OXR1: variants seen among roughly 807,000 people sequenced by gnomAD.
OXR1 encodes the protein oxidation resistance 1.
Under a neutral mutation model 104.6 loss-of-function variants are expected in OXR1, and 41 were observed. That is an observed-to-expected ratio of 0.39 (90% CI 0.31 to 0.51). The LOEUF (loss-of-function observed/expected upper bound fraction) is 0.51. Ranked by LOEUF, OXR1 falls within the 20% of genes least tolerant of loss-of-function variation. The pLI is 0.77. For synonymous variants in OXR1, 348 were observed against 348.4 expected (o/e 1.00, Z 0.01); for missense variants, 955 against 1,031.9 (o/e 0.93, Z 1.02).
chr8:106,302,425 A>T (rs1410885817), intron 1 of OXR1, among the ~76,000 whole-genome samples: 1 of 151,986 alleles, frequency 6.6e-6, no homozygotes, highest in African/African-American at 2.4e-5. Flanking sequence ...TACTAAAAAT[A>T]CAAAAAGAAA....
At chr8:106,397,397 C>T (rs1483946582) in intron 2 of OXR1, among the ~76,000 whole-genome samples, 1 of 151,986 alleles carries the variant, frequency 6.6e-6, no homozygotes, top group East Asian at 1.9e-4. Flanking sequence ...TACTTTTTTA[C>T]TGAATAAACT....
intron 1 of OXR1, among the ~76,000 whole-genome samples, chr8:106,359,011 G>A (rs1486968221): frequency 1.3e-5 from 2 of 151,688 alleles, no homozygotes; most frequent in Non-Finnish European, 2.9e-5. Flanking sequence ...TTTTGTTAAA[G>A]CCTTGGGTGT....
intron 2 of OXR1, among the ~76,000 whole-genome samples, chr8:106,392,010 T>C (rs1817602533): frequency 2.0e-5 from 3 of 152,116 alleles, no homozygotes. Context: ...GCTCAAAGCA[T>C]GACACAAAAG....
chr8:106,508,981 TTTG>T (rs1297886443), intron 2 of OXR1, among the ~76,000 whole-genome samples: 95 of 152,310 alleles, frequency 6.2e-4, no homozygotes, highest in African/African-American at 2.3e-3. Flanking sequence ...ATAGAGATAG[TTTG>T]TAATAGGCCT....
chr8:106,395,500 T>G (rs183697300), intron 2 of OXR1, among the ~76,000 whole-genome samples: 1 of 152,204 alleles, frequency 6.6e-6, no homozygotes, highest in Admixed American at 6.5e-5. Context: ...TCATGAGACT[T>G]ATTCACTATC....
At chr8:106,569,268 T>C (rs920666608) in intron 3 of OXR1, among the ~76,000 whole-genome samples, 2 of 152,118 alleles carry the variant, frequency 1.3e-5, no homozygotes, top group Non-Finnish European at 2.9e-5. Flanking sequence ...TTCTTCTCAA[T>C]GATTTTGTTT....
chr8:106,712,504 T>G (rs974933497), intron 10 of OXR1, among the ~76,000 whole-genome samples: 8 of 152,056 alleles, frequency 5.3e-5, no homozygotes, highest in Admixed American at 3.3e-4. Flanking sequence ...GACCATACTG[T>G]TTTTAGGCAG....
chr8:106,483,376 T>C (rs73309282), intron 2 of OXR1, among the ~76,000 whole-genome samples: 9,076 of 151,876 alleles, frequency 0.06, 315 homozygotes, highest in Middle Eastern at 0.15. Flanking sequence ...ATGTCATTAT[T>C]AGGAAATACT....
intron 2 of OXR1, among the ~76,000 whole-genome samples, chr8:106,472,054 G>T (rs80111965): frequency 0.02 from 3,035 of 151,894 alleles, 61 homozygotes; most frequent in East Asian, 0.08. Flanking sequence ...TTCAGGATCA[G>T]TTTGTTGTTA....
Position 106,359,456 on chromosome 8 carries a change from T to A in OXR1, c.-138-20T>A. 1.6e-6 allele frequency: 1 copy of A among 621,448 alleles called. No homozygotes were observed. Among genetic ancestry groups the A allele is most frequent in the Non-Finnish European group, 2.9e-6 (1 of 344,438 alleles). 38.5% of individuals were successfully genotyped at this position (621,448 alleles called of 1,614,324 possible). ...ATAGACCAGGTACTAGAGATATTCA[T>A]TTATTTCTTTTCTTTATAGGTCCTC... On this transcript the variant is annotated intron_variant, in intron 1 of 16. Coordinates refer to ENST00000517566, the MANE Select transcript of OXR1 (RefSeq NM_001198533.2).
At position 106,677,763 on chromosome 8, in the gene OXR1, G is replaced by GTC. The variant is rs1191471159; in HGVS notation, c.221-1446_221-1445insCT. 1.1e-4 allele frequency among the ~76,000 whole-genome samples: 17 copies of GTC among 150,970 alleles called. No homozygotes were observed. The East Asian group carries it at 3.3e-3, about 29-fold the overall frequency. On this transcript the variant is annotated intron_variant, in intron 3 of 16. Coordinates refer to ENST00000517566, the MANE Select transcript of OXR1 (RefSeq NM_001198533.2). ...AATATGTGTATGTATGCGCACGCGTGTGTGTGTGTGTGTATCTCTGCATAC... is the reference window on the plus strand; with the variant it reads ...AATATGTGTATGTATGCGCACGCGTGTCTGTGTGTGTGTGTATCTCTGCATAC...
rs1052715732 is a variant in OXR1 at position 106,270,202 on chromosome 8, C to G, written c.-304C>G. The stretch of plus-strand genomic sequence containing the variant: ...CATGTCTGCAAGCGCTCAGCGGCGC[C>G]GGCAGCAGCGGGGCTAGAGCTGGGC... On this transcript the variant is annotated 5_prime_UTR_variant, in exon 1 of 17. Transcript: ENST00000517566. 3.3e-5 allele frequency: 5 copies of G among 152,228 alleles called. No homozygotes were observed. Among genetic ancestry groups the G allele is most frequent in the African/African-American group, 1.2e-4 (5 of 41,458 alleles). 9.4% of individuals were successfully genotyped at this position (152,228 alleles called of 1,614,324 possible).
intron 1 of OXR1, among the ~76,000 whole-genome samples, chr8:106,291,851 C>CT (rs1231565079): frequency 6.6e-6 from 1 of 152,124 alleles, no homozygotes; most frequent in African/African-American, 2.4e-5. Flanking sequence ...GGGACATGCC[C>CT]TTTATAAAAC....
At chr8:106,386,912 A>C (rs1260711128) in intron 2 of OXR1, among the ~76,000 whole-genome samples, 1 of 152,224 alleles carries the variant, frequency 6.6e-6, no homozygotes, top group Non-Finnish European at 1.5e-5. Context: ...CTTTTTTAAG[A>C]AGATTAATAT....
At chr8:106,326,000 T>C (rs1814454053) in intron 1 of OXR1, among the ~76,000 whole-genome samples, 1 of 152,218 alleles carries the variant, frequency 6.6e-6, no homozygotes, top group Admixed American at 6.5e-5. Context: ...TGTATAGTCA[T>C]TAGTTATCAT....
chr8:106,526,409 G>A (rs138161967), intron 3 of OXR1, among the ~76,000 whole-genome samples: 2 of 152,314 alleles, frequency 1.3e-5, no homozygotes, highest in East Asian at 3.9e-4. Flanking sequence ...TCCCCACATT[G>A]TTTTCAAGAG....
chr8:106,554,378 T>C (rs1044379752), intron 3 of OXR1, among the ~76,000 whole-genome samples: 1 of 152,222 alleles, frequency 6.6e-6, no homozygotes, highest in African/African-American at 2.4e-5. Context: ...GGTGAAATGA[T>C]TCATTTTATG....
At chr8:106,402,944 C>T (rs1356372984) in intron 2 of OXR1, among the ~76,000 whole-genome samples, 26 of 152,178 alleles carry the variant, frequency 1.7e-4, no homozygotes, top group Admixed American at 1.7e-3. Flanking sequence ...CCTCAGCCTC[C>T]AGAGTAGCTG....
intron 2 of OXR1, among the ~76,000 whole-genome samples, chr8:106,449,272 C>A (rs1820185628): frequency 1.3e-5 from 2 of 152,056 alleles, no homozygotes; most frequent in Admixed American, 1.3e-4. Flanking sequence ...TTCTTGCCTC[C>A]CTTCCATCAA....
Sources: allele counts gnomAD v4.1 joint callset (sites outside exome capture counted in the v4.1 genomes callset), GRCh38; gene constraint gnomAD v4.1.1; transcripts MANE v1.5; gene names NCBI Gene and HGNC (gene_info 2026-07-23, HGNC 2026-07-21).